The following ANKS1B variants were observed in gnomAD, a reference collection of about 807,000 sequenced individuals.
The protein encoded by ANKS1B is ankyrin repeat and sterile alpha motif domain-containing protein 1B.
Under a neutral mutation model 148.3 loss-of-function variants are expected in ANKS1B, and 36 were observed. That is an observed-to-expected ratio of 0.24 (90% CI 0.19 to 0.32). The LOEUF (loss-of-function observed/expected upper bound fraction) is 0.32, where lower values mean the gene tolerates loss of function less well. ANKS1B is among the 10% of genes least tolerant of loss of function. The pLI is 1.00. For missense variants in ANKS1B, 1,157 were observed against 1,542.6 expected (o/e 0.75, Z 4.19); for synonymous variants, 542 against 560.8 (o/e 0.97, Z 0.47).
chr12:99,102,647 T>C (rs776050438), intron 15 of ANKS1B, among the ~76,000 whole-genome samples: 3 of 152,094 alleles, frequency 2.0e-5, no homozygotes, highest in Admixed American at 6.5e-5. Context: ...CGGGGGCTGA[T>C]GTGGGAACAT....
At chr12:99,167,171 G>T (rs191349903) in intron 14 of ANKS1B, among the ~76,000 whole-genome samples, 1 of 151,686 alleles carries the variant, frequency 6.6e-6, no homozygotes, top group Non-Finnish European at 1.5e-5. Flanking sequence ...AGAAAACTTA[G>T]AAAAAAACTT....
chr12:99,039,780 G>T (rs1003922874), intron 17 of ANKS1B, among the ~76,000 whole-genome samples: 1 of 152,206 alleles, frequency 6.6e-6, no homozygotes, highest in Non-Finnish European at 1.5e-5. Flanking sequence ...ATGCTGGTGC[G>T]CTGCACCCAC....
intron 17 of ANKS1B, among the ~76,000 whole-genome samples, chr12:99,002,690 G>A (rs924552382): frequency 2.0e-5 from 3 of 152,092 alleles, no homozygotes; most frequent in Non-Finnish European, 4.4e-5. Context: ...TAGGTTATTA[G>A]TATTTTTGCT....
intron 12 of ANKS1B, among the ~76,000 whole-genome samples, chr12:99,255,321 C>T (rs2075130131): frequency 1.3e-5 from 2 of 151,968 alleles, no homozygotes; most frequent in African/African-American, 4.8e-5. Flanking sequence ...TTTTTTGTAT[C>T]TGTAGATTTA....
chr12:99,334,516 T>C (rs1185040301), intron 12 of ANKS1B, among the ~76,000 whole-genome samples: 2 of 152,094 alleles, frequency 1.3e-5, no homozygotes, highest in African/African-American at 4.8e-5. Context: ...ATGATATGCA[T>C]GTACACATTT....
intron 12 of ANKS1B, among the ~76,000 whole-genome samples, chr12:99,376,885 C>T (rs1394909796): frequency 2.0e-5 from 3 of 152,236 alleles, no homozygotes; most frequent in East Asian, 1.9e-4. Context: ...AATCCCAGTA[C>T]AGCTCTGGGT....
At chr12:99,492,889 C>T (rs1281922319) in intron 10 of ANKS1B, among the ~76,000 whole-genome samples, 1 of 152,130 alleles carries the variant, frequency 6.6e-6, no homozygotes, top group African/African-American at 2.4e-5. Flanking sequence ...GCACAGACCT[C>T]AAAATAATAA....
At chr12:98,873,426 G>A (rs558212781) in intron 17 of ANKS1B, among the ~76,000 whole-genome samples, 1 of 152,260 alleles carries the variant, frequency 6.6e-6, no homozygotes, top group Admixed American at 6.5e-5. Context: ...TTTAAGCATG[G>A]TCATATTTGT....
At chr12:99,733,886 T>C (rs766609205) in intron 8 of ANKS1B, among the ~76,000 whole-genome samples, 6 of 152,212 alleles carry the variant, frequency 3.9e-5, no homozygotes, top group Non-Finnish European at 8.8e-5. Context: ...GTACCCCAAC[T>C]ATTGGGTTGT....
intron 1 of ANKS1B, among the ~76,000 whole-genome samples, chr12:99,856,046 A>G (rs1366597626): frequency 1.3e-5 from 2 of 152,144 alleles, no homozygotes; most frequent in African/African-American, 2.4e-5. Context: ...AGCAGAAGAA[A>G]GGAAATAACC....
At chr12:99,630,879 T>C (rs2098152343) in intron 9 of ANKS1B, among the ~76,000 whole-genome samples, 2 of 152,200 alleles carry the variant, frequency 1.3e-5, no homozygotes, top group African/African-American at 4.8e-5. Flanking sequence ...TCATCTTGAA[T>C]TGTAGTTCCT....
At chr12:98,780,346 C>T (rs2098722187) in intron 24 of ANKS1B, among the ~76,000 whole-genome samples, 1 of 152,194 alleles carries the variant, frequency 6.6e-6, no homozygotes, top group African/African-American at 2.4e-5. Context: ...GAGGAGGAGT[C>T]AGTCAGCTTT....
At chr12:99,811,780 G>T (rs552162082) in intron 3 of ANKS1B, among the ~76,000 whole-genome samples, 2 of 151,968 alleles carry the variant, frequency 1.3e-5, no homozygotes, top group South Asian at 4.1e-4. Flanking sequence ...TTATGCAAAT[G>T]ATAGGCATAT....
intron 12 of ANKS1B, among the ~76,000 whole-genome samples, chr12:99,381,448 C>T (rs2093640381): frequency 6.6e-6 from 1 of 151,968 alleles, no homozygotes; most frequent in African/African-American, 2.4e-5. Flanking sequence ...CCATCTAGGG[C>T]CATGAAGAAC....
At chr12:99,315,827 C>T (rs181172667) in intron 12 of ANKS1B, among the ~76,000 whole-genome samples, 6 of 152,110 alleles carry the variant, frequency 3.9e-5, no homozygotes, top group African/African-American at 1.2e-4. Flanking sequence ...CCTCTCCCCC[C>T]ACCCCATGAC....
intron 1 of ANKS1B, among the ~76,000 whole-genome samples, chr12:99,860,687 T>C (rs1035563015): frequency 1.3e-5 from 2 of 152,060 alleles, no homozygotes; most frequent in Non-Finnish European, 2.9e-5. Context: ...CACTGCAGGG[T>C]AGAAACCTGT....
At chr12:99,519,670 C>T (rs1412050032) in intron 9 of ANKS1B, among the ~76,000 whole-genome samples, 4 of 151,932 alleles carry the variant, frequency 2.6e-5, no homozygotes, top group Non-Finnish European at 5.9e-5. Context: ...TGTTTTTTCA[C>T]CTATTCGGCC....
intron 17 of ANKS1B, chr12:98,895,365 C>T (rs2099762787): frequency 1.1e-5 from 11 of 964,090 alleles, no homozygotes; most frequent in Admixed American, 6.2e-5. Context: ...GGCGCGGCTC[C>T]GCGGGTGCCC....
At chr12:98,809,205 C>T (rs148217526) in intron 19 of ANKS1B, among the ~76,000 whole-genome samples, 228 of 152,300 alleles carry the variant, frequency 1.5e-3, no homozygotes, top group African/African-American at 5.3e-3. Context: ...GCTCTGCTAT[C>T]CTCAGTTCCC....
Sources: allele counts gnomAD v4.1 joint callset (sites outside exome capture counted in the v4.1 genomes callset), GRCh38; gene constraint gnomAD v4.1.1; transcripts MANE v1.5; gene names NCBI Gene and HGNC (gene_info 2026-07-23, HGNC 2026-07-21).